Variants in SYNPR observed in about 807,000 individuals in gnomAD.
The protein encoded by SYNPR is synaptoporin.
In SYNPR, 23 loss-of-function variants were observed where a neutral mutation model predicts 32.9. The observed-to-expected ratio is 0.70, with a 90% CI of 0.50 to 0.99. SYNPR has a LOEUF of 0.99. Among genes scored for constraint, SYNPR ranks in the 50% least tolerant of loss-of-function variants. The pLI is 0.00. For missense variants in SYNPR, 318 were observed against 349.3 expected (o/e 0.91, Z 0.71); for synonymous variants, 146 against 135.9 (o/e 1.07, Z -0.52).
At chr3:63,208,067 TCACA>T in the SYNPR span, among the ~76,000 whole-genome samples, 22 of 150,476 alleles carry the variant, frequency 1.5e-4, no homozygotes, top group Non-Finnish European at 2.8e-4. Flanking sequence ...ACACACACAC[TCACA>T]GAGTCAATAA....
intron 2 of SYNPR, among the ~76,000 whole-genome samples, chr3:63,314,716 C>T (rs1215215159): frequency 6.6e-6 from 1 of 152,002 alleles, no homozygotes; most frequent in Non-Finnish European, 1.5e-5. Context: ...CGTGCAAAAG[C>T]TCTTTAGTTT....
chr3:63,440,947 G>A (rs1048334300), intron 2 of SYNPR, among the ~76,000 whole-genome samples: 4 of 152,166 alleles, frequency 2.6e-5, no homozygotes, highest in African/African-American at 4.8e-5. Context: ...GGGGACAGCC[G>A]AGAAGTTACT....
At chr3:63,335,782 T>C (rs200915046) in intron 2 of SYNPR, among the ~76,000 whole-genome samples, 31,451 of 143,700 alleles carry the variant, frequency 0.22, 4,328 homozygotes, top group South Asian at 0.4. Context: ...TTTTTTTTTT[T>C]TTTTTTTTGA....
At chr3:63,284,145 C>T (rs2086658891) in intron 2 of SYNPR, among the ~76,000 whole-genome samples, 1 of 152,106 alleles carries the variant, frequency 6.6e-6, no homozygotes, top group Non-Finnish European at 1.5e-5. Context: ...AGTATTTTGC[C>T]AGTTGACCTT....
At chr3:63,205,186 C>T in the SYNPR span, among the ~76,000 whole-genome samples, 1 of 152,130 alleles carries the variant, frequency 6.6e-6, no homozygotes, top group Non-Finnish European at 1.5e-5. Flanking sequence ...TCTCACCTTC[C>T]TTTTTCACAG....
chr3:63,258,026 C>G (rs963573135), intron 2 of SYNPR, among the ~76,000 whole-genome samples: 2 of 152,108 alleles, frequency 1.3e-5, no homozygotes, highest in Non-Finnish European at 2.9e-5. Context: ...GCTAACTATC[C>G]TAAATATATA....
At chr3:63,466,453 T>C (rs1700681178) in intron 2 of SYNPR, among the ~76,000 whole-genome samples, 1 of 140,958 alleles carries the variant, frequency 7.1e-6, no homozygotes, top group Non-Finnish European at 1.6e-5. Context: ...ATTCAGGATT[T>C]GTTTTTTTTT....
intron 4 of SYNPR, among the ~76,000 whole-genome samples, chr3:63,591,176 C>T (rs1333145125): frequency 6.7e-6 from 1 of 149,204 alleles, no homozygotes; most frequent in Non-Finnish European, 1.5e-5. Flanking sequence ...CTAAAGAAGA[C>T]ATTTATGCAG....
chr3:63,419,715 G>T (rs1269597536), intron 2 of SYNPR, among the ~76,000 whole-genome samples: 1 of 152,162 alleles, frequency 6.6e-6, no homozygotes, highest in East Asian at 1.9e-4. Context: ...GGTCAGGGAA[G>T]TTAGAGACTA....
At chr3:63,512,282 G>A (rs1254339390) in intron 3 of SYNPR, among the ~76,000 whole-genome samples, 1 of 151,996 alleles carries the variant, frequency 6.6e-6, no homozygotes, top group Non-Finnish European at 1.5e-5. Context: ...CAACCTCAGT[G>A]GGCTTTCTCA....
At chr3:63,398,725 GAA>G (rs10708164) in intron 2 of SYNPR, among the ~76,000 whole-genome samples, 196 of 144,402 alleles carry the variant, frequency 1.4e-3, no homozygotes, top group African/African-American at 4.2e-3. Flanking sequence ...TCTCAAAAAA[GAA>G]AAAAAAAAAA....
intron 3 of SYNPR, among the ~76,000 whole-genome samples, chr3:63,501,368 A>C (rs1201220677): frequency 6.6e-6 from 1 of 151,956 alleles, no homozygotes; most frequent in East Asian, 1.9e-4. Flanking sequence ...AGTCCCAGCT[A>C]CTTGCTGGGC....
At chr3:63,349,195 C>T (rs1575606198) in intron 2 of SYNPR, among the ~76,000 whole-genome samples, 1 of 152,028 alleles carries the variant, frequency 6.6e-6, no homozygotes, top group Admixed American at 6.5e-5. Flanking sequence ...CTCCACCTCC[C>T]GAGTTCAAGC....
chr3:63,388,479 C>T (rs1344449627), intron 2 of SYNPR, among the ~76,000 whole-genome samples: 1 of 147,740 alleles, frequency 6.8e-6, no homozygotes, highest in East Asian at 2.1e-4. Context: ...CCTCCACCTC[C>T]TGGGTTCAAG....
the SYNPR span, among the ~76,000 whole-genome samples, chr3:63,206,530 C>T: frequency 6.6e-6 from 1 of 151,678 alleles, no homozygotes; most frequent in Non-Finnish European, 1.5e-5. Context: ...CACTGCACTC[C>T]AGCCTGGGTG....
rs1289395235 is a variant in SYNPR, at chr3:63,616,668, A to C, written c.*1187A>C. 1 of 152,640 alleles carries C rather than the reference A, an allele frequency of 6.6e-6. No homozygotes were observed. The allele number at this position is 152,640 out of a possible 1,614,324, so 9.5% of individuals were successfully genotyped here. ...TCCAGAATGTATTCATTATCAAGAA[A>C]ATGTCAATCGTCACTTCCTCGTTTT... On this transcript the variant is annotated 3_prime_UTR_variant, in exon 6 of 6. Coordinates refer to ENST00000478300, the MANE Select transcript of SYNPR (RefSeq NM_001130003.2).
At chr3:63,531,553 C>T (rs1370677183) in intron 3 of SYNPR, among the ~76,000 whole-genome samples, 2 of 152,174 alleles carry the variant, frequency 1.3e-5, no homozygotes, top group Non-Finnish European at 2.9e-5. Context: ...CTAGTTACAT[C>T]TGCAATGACC....
At chr3:63,608,073 T>C (rs531012775) in intron 4 of SYNPR, among the ~76,000 whole-genome samples, 1 of 152,282 alleles carries the variant, frequency 6.6e-6, no homozygotes, top group East Asian at 1.9e-4. Context: ...CATGTAACAT[T>C]TTTACAATAG....
intron 3 of SYNPR, among the ~76,000 whole-genome samples, chr3:63,508,487 T>C (rs964934018): frequency 6.6e-6 from 1 of 152,104 alleles, no homozygotes; most frequent in African/African-American, 2.4e-5. Flanking sequence ...GTGACTCAGA[T>C]ATGCTGGGGG....
Sources: gnomAD v4.1 joint callset for allele counts (sites outside exome capture counted in the v4.1 genomes callset) on GRCh38, gnomAD v4.1.1 for gene constraint, MANE v1.5 for transcripts, NCBI Gene and HGNC (gene_info 2026-07-23, HGNC 2026-07-21) for gene names.